Variants in FAM227B observed in about 807,000 individuals in gnomAD.
FAM227B encodes family with sequence similarity 227 member B.
FAM227B carries 88 observed loss-of-function variants against 73.8 expected under a neutral mutation model. That is an observed-to-expected ratio of 1.19 (90% CI 1.00 to 1.42). The LOEUF (loss-of-function observed/expected upper bound fraction) is 1.42. FAM227B is among the 40% of genes most tolerant of loss of function. FAM227B has a pLI of 0.00. For synonymous variants in FAM227B, 210 were observed against 190.5 expected (o/e 1.10, Z -0.84); for missense variants, 632 against 590.9 (o/e 1.07, Z -0.72).
At chr15:49,476,439 C>A (rs2055329473) in intron 11 of FAM227B, among the ~76,000 whole-genome samples, 1 of 151,852 alleles carries the variant, frequency 6.6e-6, no homozygotes, top group Non-Finnish European at 1.5e-5. Flanking sequence ...GTACACTTAA[C>A]AAGTGAAACA....
In FAM227B at chr15:49,531,873, A is replaced by G. The variant is rs545291317; in HGVS notation, c.874+9807T>C. The stretch of plus-strand genomic sequence containing the variant: ...AAATATAATTTGTGGCCATTATTGT[A>G]CATTGTTGTTGAATACTGCCAAAAA... On this transcript the variant is annotated intron_variant, in intron 10 of 15. Transcript: ENST00000299338. 8.8e-4 allele frequency among the ~76,000 whole-genome samples: 134 copies of G among 152,030 alleles called. 5 individuals are homozygous for G. In the South Asian group the frequency reaches 0.027, roughly 30 times the overall value.
At chr15:49,587,294 C>T (rs1598400470) in intron 5 of FAM227B, among the ~76,000 whole-genome samples, 1 of 152,140 alleles carries the variant, frequency 6.6e-6, no homozygotes, top group East Asian at 1.9e-4. Context: ...AACACATGAA[C>T]TCATAGAGGA....
chr15:49,496,135 C>T (rs1319815987), intron 11 of FAM227B, among the ~76,000 whole-genome samples: 1 of 152,146 alleles, frequency 6.6e-6, no homozygotes. Flanking sequence ...TGTAACATGT[C>T]ATTTGCTAAA....
At chr15:49,484,354 A>T in intron 11 of FAM227B, 1 of 1,592,038 alleles carries the variant, frequency 6.3e-7, no homozygotes, top group Non-Finnish European at 8.5e-7. Context: ...TAATTCTGGA[A>T]AACCATTACA....
At chr15:49,588,594 T>TAA (rs2076331554) in intron 4 of FAM227B, among the ~76,000 whole-genome samples, 1 of 107,386 alleles carries the variant, frequency 9.3e-6, no homozygotes, top group Non-Finnish European at 1.9e-5. Context: ...TATATATATA[T>TAA]ATATATAAAA....
intron 13 of FAM227B, among the ~76,000 whole-genome samples, chr15:49,357,139 T>C (rs1255360347): frequency 6.7e-6 from 1 of 149,484 alleles, no homozygotes; most frequent in East Asian, 2.0e-4. Flanking sequence ...GCAGGAAAGA[T>C]CCAAAATTGA....
intron 10 of FAM227B, among the ~76,000 whole-genome samples, chr15:49,539,544 C>T (rs534182497): frequency 2.4e-4 from 36 of 152,194 alleles, no homozygotes; most frequent in African/African-American, 8.7e-4. Context: ...GGTCCCTCTG[C>T]AGCAGCATTA....
intron 1 of FAM227B, among the ~76,000 whole-genome samples, chr15:49,617,725 T>C (rs1198689234): frequency 1.3e-5 from 2 of 152,126 alleles, no homozygotes; most frequent in East Asian, 3.8e-4. Flanking sequence ...TTCACAGGTC[T>C]AGAGGTCGGG....
chr15:49,568,218 A>C (rs746395662), intron 9 of FAM227B, 27 bp downstream of exon 9: 2 of 1,513,320 alleles, frequency 1.3e-6, no homozygotes, highest in East Asian at 4.5e-5. Context: ...AAAAATAATT[A>C]GCATAACTGT....
intron 11 of FAM227B, among the ~76,000 whole-genome samples, chr15:49,495,024 G>A (rs1212362621): frequency 1.3e-5 from 2 of 152,068 alleles, no homozygotes; most frequent in East Asian, 3.8e-4. Flanking sequence ...AATCTCTCAG[G>A]TATTCAAAGT....
chr15:49,362,423 A>C (rs2044400284), intron 13 of FAM227B, among the ~76,000 whole-genome samples: 1 of 152,150 alleles, frequency 6.6e-6, no homozygotes, highest in Non-Finnish European at 1.5e-5. Flanking sequence ...CAGAACTGTG[A>C]GTCAGTTAAA....
chr15:49,438,099 A>C (rs1325957212), intron 11 of FAM227B, among the ~76,000 whole-genome samples: 1 of 151,664 alleles, frequency 6.6e-6, no homozygotes, highest in East Asian at 1.9e-4. Context: ...TTAGTGTTTC[A>C]GGAGTACCAA....
intron 11 of FAM227B, among the ~76,000 whole-genome samples, chr15:49,390,582 A>G (rs1319496370): frequency 6.6e-6 from 1 of 152,020 alleles, no homozygotes; most frequent in African/African-American, 2.4e-5. Context: ...GCAAAAGTAA[A>G]AGGTTTTTCA....
At chr15:49,613,289 T>C (rs1598571364) in intron 2 of FAM227B, among the ~76,000 whole-genome samples, 1 of 152,012 alleles carries the variant, frequency 6.6e-6, no homozygotes, top group Non-Finnish European at 1.5e-5. Context: ...CCAAGGCAGG[T>C]GGATTGCTTG....
chr15:49,375,897 A>C (rs1432499590), intron 11 of FAM227B, among the ~76,000 whole-genome samples: 1 of 152,122 alleles, frequency 6.6e-6, no homozygotes, highest in East Asian at 1.9e-4. Context: ...TCTTTATTTT[A>C]TAACCAAACC....
rs541966952 is a variant in FAM227B, at chr15:49,449,188, T to C, written c.1012+59023A>G. 9.0e-4 allele frequency among the ~76,000 whole-genome samples: 137 copies of C among 152,072 alleles called. 5 individuals carry two copies. The South Asian group carries it at 0.027, about 30-fold the overall frequency. On this transcript the variant is annotated intron_variant, in intron 11 of 15. Transcript: ENST00000299338. ...CAGACTGCATTACTAAGTCTAAGTTTTTCTTGTTACCTAATTTCCACCTGC... is the reference window on the plus strand; with the variant it reads ...CAGACTGCATTACTAAGTCTAAGTTCTTCTTGTTACCTAATTTCCACCTGC...
intron 13 of FAM227B, among the ~76,000 whole-genome samples, chr15:49,345,676 T>C (rs1263332388): frequency 6.6e-6 from 1 of 152,206 alleles, no homozygotes; most frequent in Non-Finnish European, 1.5e-5. Context: ...AATGGAAGAT[T>C]CACTTGGGGA....
chr15:49,371,364 G>C lies in FAM227B; in HGVS notation c.1048C>G (p.Pro350Ala), dbSNP rs1232184760. The C allele has an allele frequency of 1.3e-6, 2 of 1,595,802 alleles. No individual in the cohort carries two copies. Among genetic ancestry groups the C allele is most frequent in the East Asian group, 4.5e-5 (2 of 44,150 alleles). ...GATATGGGCAACGTATATGCTCTTG[G>C]GTTGTTCAGAATCTTTATAATATTG... ...DFNIIKILNN[P>A]RAYTLPISKE... The change falls in exon 12 of 16, where the codon CCA becomes GCA. Residue 350 changes from proline to alanine, a missense_variant. Coordinates refer to ENST00000299338, the MANE Select transcript of FAM227B (RefSeq NM_152647.3).
chr15:49,491,512 C>A (rs931593098), intron 11 of FAM227B, among the ~76,000 whole-genome samples: 1 of 151,750 alleles, frequency 6.6e-6, no homozygotes, highest in Non-Finnish European at 1.5e-5. Context: ...TTGATTCTGC[C>A]TCTGAGTTTT....
Sources: allele counts gnomAD v4.1 joint callset (sites outside exome capture counted in the v4.1 genomes callset), GRCh38; gene constraint gnomAD v4.1.1; transcripts MANE v1.5; gene names NCBI Gene and HGNC (gene_info 2026-07-23, HGNC 2026-07-21).